The following PRICKLE1 variants were observed in gnomAD, a reference collection of about 807,000 sequenced individuals.
PRICKLE1 encodes prickle planar cell polarity protein 1, also known as prickle-like protein 1.
A neutral mutation model predicts 70.2 loss-of-function variants in PRICKLE1; 14 were observed. The ratio of observed to expected loss-of-function variants is 0.20; its 90% CI spans 0.13 to 0.31. PRICKLE1 has a LOEUF of 0.31. Among genes scored for constraint, PRICKLE1 ranks in the 10% least tolerant of loss-of-function variants. PRICKLE1 has a pLI of 1.00. For missense variants in PRICKLE1, 821 were observed against 1,026.2 expected, an observed-to-expected ratio of 0.80 and a Z score of 2.73; for synonymous variants, 357 against 379.9, an observed-to-expected ratio of 0.94 and a Z score of 0.70.
intron 1 of PRICKLE1, among the ~76,000 whole-genome samples, chr12:42,476,092 C>CAAA (rs398044331): frequency 9.8e-6 from 1 of 101,734 alleles, no homozygotes; most frequent in Non-Finnish European, 1.9e-5. Context: ...AACTCCGTCT[C>CAAA]AAAAAAAAAA....
At chr12:42,520,807 C>A (rs1381823996) in intron 1 of PRICKLE1, among the ~76,000 whole-genome samples, 2 of 152,176 alleles carry the variant, frequency 1.3e-5, no homozygotes, top group South Asian at 2.1e-4. Flanking sequence ...AAAATGTGTC[C>A]ATTTTAATCA....
intron 1 of PRICKLE1, among the ~76,000 whole-genome samples, chr12:42,584,169 A>G (rs973243541): frequency 1.3e-5 from 2 of 152,186 alleles, no homozygotes; most frequent in East Asian, 1.9e-4. Context: ...TTTTAAGAAT[A>G]TTCTTATTGA....
At chr12:42,511,038 C>A (rs943858901) in intron 1 of PRICKLE1, among the ~76,000 whole-genome samples, 38 of 152,212 alleles carry the variant, frequency 2.5e-4, no homozygotes, top group Admixed American at 9.2e-4. Flanking sequence ...AAGAAGCAGG[C>A]CCAGCACAGG....
intron 1 of PRICKLE1, among the ~76,000 whole-genome samples, chr12:42,529,789 A>C (rs1398134498): frequency 6.6e-6 from 1 of 152,086 alleles, no homozygotes; most frequent in Non-Finnish European, 1.5e-5. Context: ...CCAGCTATTC[A>C]GGAGGCTGAG....
chr12:42,558,394 T>A (rs886722864), intron 1 of PRICKLE1, among the ~76,000 whole-genome samples: 11 of 152,166 alleles, frequency 7.2e-5, no homozygotes, highest in African/African-American at 2.2e-4. Flanking sequence ...AAATGCCAGG[T>A]TAATTAAAAC....
intron 1 of PRICKLE1, among the ~76,000 whole-genome samples, chr12:42,537,789 T>G (rs575117219): frequency 1.3e-5 from 2 of 152,222 alleles, no homozygotes; most frequent in African/African-American, 2.4e-5. Flanking sequence ...TTGGGGACTC[T>G]GCCCAAGATA....
chr12:42,460,436 C>T lies in PRICKLE1; in HGVS notation c.1869G>A (p.Lys623=), dbSNP rs150809651. The T allele has an allele frequency of 1.1e-4, 176 of 1,614,126 alleles. 1 individual carries two copies. The highest frequency in any genetic ancestry group is 3.7e-4 in the South Asian group (34 of 91,084). Residue 623 remains lysine (K), a synonymous_variant, in exon 8 of 8, where the codon AAG becomes AAA. Coordinates refer to ENST00000345127, the MANE Select transcript of PRICKLE1 (RefSeq NM_153026.3). ...TGACCTGCTGGGGTCTGGATTGAGACTTGGACCTTCTGAGCACTGGCAGAT... is the reference window on the plus strand; with the variant it reads ...TGACCTGCTGGGGTCTGGATTGAGATTTGGACCTTCTGAGCACTGGCAGAT... The part of the protein sequence containing the change: ...PVHLPVLRRS[K]SQSRPQQVKF...
chr12:42,568,682 C>CTTT (rs1485248061), intron 1 of PRICKLE1, among the ~76,000 whole-genome samples: 1 of 152,138 alleles, frequency 6.6e-6, no homozygotes, highest in East Asian at 1.9e-4. Context: ...AGAAATATAT[C>CTTT]TTTTAATTGA....
intron 1 of PRICKLE1, among the ~76,000 whole-genome samples, chr12:42,547,713 G>C (rs1566121885): frequency 6.6e-6 from 1 of 152,088 alleles, no homozygotes; most frequent in Non-Finnish European, 1.5e-5. Flanking sequence ...CACTTCCAAG[G>C]TTCTCGGATT....
At chr12:42,504,912 C>T (rs915262718) in intron 1 of PRICKLE1, among the ~76,000 whole-genome samples, 6 of 152,068 alleles carry the variant, frequency 3.9e-5, no homozygotes, top group African/African-American at 7.2e-5. Flanking sequence ...GAGGCTAAGG[C>T]GGGTGGATCA....
At chr12:42,493,855 C>CT (rs1939148092) in intron 1 of PRICKLE1, among the ~76,000 whole-genome samples, 1 of 123,144 alleles carries the variant, frequency 8.1e-6, no homozygotes, top group African/African-American at 3.1e-5. Context: ...AAGACCGTGT[C>CT]TAAAAAAAAA....
At chr12:42,544,844 AAAT>A (rs1940178519) in intron 1 of PRICKLE1, among the ~76,000 whole-genome samples, 1 of 152,146 alleles carries the variant, frequency 6.6e-6, no homozygotes, top group African/African-American at 2.4e-5. Flanking sequence ...CTACATTTCA[AAAT>A]AATATGTAGA....
At chr12:42,587,314 C>A (rs570703644) in intron 1 of PRICKLE1, among the ~76,000 whole-genome samples, 2 of 152,118 alleles carry the variant, frequency 1.3e-5, no homozygotes, top group East Asian at 3.9e-4. Context: ...CCAGTTTTTC[C>A]TTCCTTTTTC....
At position 42,504,371 on chromosome 12, in the gene PRICKLE1, CAAA is replaced by C. The variant is rs139667745; in HGVS notation, c.-48-31810_-48-31808del. On this transcript the variant is annotated intron_variant, in intron 1 of 7. Transcript: ENST00000345127. ...AAGGAAAATACTCTGACTGGGGAAT[CAAA>C]GAATACCTGCCTCCAAAAAGCACAT... Among the ~76,000 whole-genome samples the C allele has an allele frequency of 6.1e-3, 924 of 152,286 alleles. 9 individuals are homozygous for C. Among genetic ancestry groups the C allele is most frequent in the African/African-American group, 0.021 (887 of 41,558 alleles).
intron 1 of PRICKLE1, among the ~76,000 whole-genome samples, chr12:42,492,542 A>G (rs1467271408): frequency 1.3e-5 from 2 of 152,150 alleles, no homozygotes; most frequent in African/African-American, 2.4e-5. Context: ...TTTCCATAAC[A>G]TTTCTTTATC....
At chr12:42,554,083 G>A (rs778091052) in intron 1 of PRICKLE1, among the ~76,000 whole-genome samples, 32 of 152,134 alleles carry the variant, frequency 2.1e-4, no homozygotes, top group Non-Finnish European at 3.7e-4. Flanking sequence ...CAGCCTGGGC[G>A]ACAAGAGTGA....
At chr12:42,560,097 T>G (rs944366944) in intron 1 of PRICKLE1, among the ~76,000 whole-genome samples, 1 of 144,078 alleles carries the variant, frequency 6.9e-6, no homozygotes, top group African/African-American at 2.5e-5. Flanking sequence ...TTGGGAAATC[T>G]CCTTTAATTA....
At chr12:42,523,745 T>A (rs1157935075) in intron 1 of PRICKLE1, among the ~76,000 whole-genome samples, 1 of 152,200 alleles carries the variant, frequency 6.6e-6, no homozygotes, top group South Asian at 2.1e-4. Flanking sequence ...GTCACTTATA[T>A]CTATATACAG....
chr12:42,570,788 C>G (rs1940697906), intron 1 of PRICKLE1, among the ~76,000 whole-genome samples: 1 of 152,082 alleles, frequency 6.6e-6, no homozygotes, highest in African/African-American at 2.4e-5. Flanking sequence ...CCACTGCACT[C>G]CAGCCTGGGC....
Sources: gnomAD v4.1 joint callset for allele counts (sites outside exome capture counted in the v4.1 genomes callset) on GRCh38, gnomAD v4.1.1 for gene constraint, MANE v1.5 for transcripts, NCBI Gene and HGNC (gene_info 2026-07-23, HGNC 2026-07-21) for gene names.